Variants in CSRNP3 observed in about 807,000 individuals in gnomAD.
CSRNP3 encodes the protein cysteine/serine-rich nuclear protein 3.
In CSRNP3, 12 loss-of-function variants were observed where a neutral mutation model predicts 48.0. That is an observed-to-expected ratio of 0.25 (90% CI 0.16 to 0.41). CSRNP3 has a LOEUF of 0.41. Among genes scored for constraint, CSRNP3 ranks in the 10% least tolerant of loss-of-function variants. The probability of loss-of-function intolerance (pLI) is 1.00; values close to 1 mark genes in which losing one functional copy is unlikely to be tolerated. For synonymous variants in CSRNP3, 263 were observed against 269.7 expected, an observed-to-expected ratio of 0.98 and a Z score of 0.24; for missense variants, 580 against 724.4, an observed-to-expected ratio of 0.80 and a Z score of 2.29.
intron 3 of CSRNP3, among the ~76,000 whole-genome samples, chr2:165,557,496 C>T (rs1419399474): frequency 6.6e-6 from 1 of 152,030 alleles, no homozygotes; most frequent in African/African-American, 2.4e-5. Context: ...AAAGATTGGC[C>T]TTGAAAAGAA....
chr2:165,533,734 A>G (rs1197273586), intron 3 of CSRNP3, among the ~76,000 whole-genome samples: 4 of 152,088 alleles, frequency 2.6e-5, no homozygotes, highest in African/African-American at 7.2e-5. Flanking sequence ...GGTAGGTTCA[A>G]TATAAACCTT....
intron 5 of CSRNP3, among the ~76,000 whole-genome samples, chr2:165,661,932 C>G (rs1687103687): frequency 6.6e-6 from 1 of 152,080 alleles, no homozygotes. Flanking sequence ...CCAACAGCCC[C>G]AAAACAGGAA....
intron 4 of CSRNP3, among the ~76,000 whole-genome samples, chr2:165,619,549 T>C (rs2105317078): frequency 6.6e-6 from 1 of 152,152 alleles, no homozygotes; most frequent in South Asian, 2.1e-4. Flanking sequence ...CTAGAGAGAA[T>C]ATGTCATTTA....
At chr2:165,658,404 A>G (rs1687043040) in intron 5 of CSRNP3, among the ~76,000 whole-genome samples, 1 of 152,232 alleles carries the variant, frequency 6.6e-6, no homozygotes, top group Admixed American at 6.5e-5. Context: ...AGTGCAATGT[A>G]GAAGAGTTGC....
In CSRNP3 at chr2:165,627,016, GAGA is replaced by G. The variant is rs535477517; in HGVS notation, c.149-30742_149-30740del. On this transcript the variant is annotated intron_variant, in intron 4 of 6. Transcript: ENST00000651982. ...CAGCTTTGTGCTTTTATTTACTTTA[GAGA>G]AGGTTAGTTCTTGATGGCTGCCTTT... is the stretch of plus-strand genomic sequence containing the variant. Among the ~76,000 whole-genome samples, 159 of 152,136 alleles carry G rather than the reference GAGA, an allele frequency of 1.0e-3. 2 individuals carry two copies. Among genetic ancestry groups the G allele is most frequent in the South Asian group, 2.3e-3 (11 of 4,812 alleles).
chr2:165,627,031 T>C (rs114417818), intron 4 of CSRNP3, among the ~76,000 whole-genome samples: 1 of 152,318 alleles, frequency 6.6e-6, no homozygotes, highest in African/African-American at 2.4e-5. Flanking sequence ...GGTTAGTTCT[T>C]GATGGCTGCC....
At chr2:165,666,068 A>AAGAGAG (rs143932638) in intron 5 of CSRNP3, among the ~76,000 whole-genome samples, 1 of 99,566 alleles carries the variant, frequency 1.0e-5, no homozygotes, top group Non-Finnish European at 2.0e-5. Context: ...GGAAGAAAGA[A>AAGAGAG]AGAGAGAGAG....
In CSRNP3 at chr2:165,499,016, C is replaced by T. The variant is rs556683793; in HGVS notation, c.-113+4088C>T. On this transcript the variant is annotated intron_variant, in intron 2 of 6. Coordinates refer to ENST00000651982, the MANE Select transcript of CSRNP3 (RefSeq NM_001172173.2). ...ATTTACAAATAAATCTTAGAGTGTT[C>T]GTATTTTATAAACCTCTTGTTAGAG... 9.5e-4 allele frequency among the ~76,000 whole-genome samples: 144 copies of T among 152,164 alleles called. 2 individuals carry two copies. Among genetic ancestry groups the T allele is most frequent in the African/African-American group, 3.3e-3 (136 of 41,540 alleles).
intron 3 of CSRNP3, among the ~76,000 whole-genome samples, chr2:165,520,975 TACC>T (rs1295873048): frequency 6.6e-6 from 1 of 151,082 alleles, no homozygotes; most frequent in Admixed American, 6.6e-5. Context: ...AGGCATGCAC[TACC>T]ACACTTGGGT....
intron 3 of CSRNP3, among the ~76,000 whole-genome samples, chr2:165,581,964 G>A (rs1393199450): frequency 6.6e-6 from 1 of 152,172 alleles, no homozygotes; most frequent in Admixed American, 6.5e-5. Context: ...TACTGAGCAG[G>A]CACTGGAATA....
At position 165,592,804 on chromosome 2, in the gene CSRNP3, T is replaced by TTTC. The variant is rs1553477717; in HGVS notation, c.-23-2237_-23-2236insCTT. On this transcript the variant is annotated intron_variant, in intron 3 of 6. Transcript: ENST00000651982. ...GTGAGTCAATTAAACCTCTTTTCAT[T>TTTC]TTTTTTTTTTTTTTTGAGACGGAGT... Among the ~76,000 whole-genome samples, 95 of 139,402 alleles carry TTTC rather than the reference T, an allele frequency of 6.8e-4. 1 individual carries two copies. Among genetic ancestry groups the TTTC allele is most frequent in the African/African-American group, 2.6e-3 (92 of 35,618 alleles). The allele number at this position is 139,402 out of a possible 152,430, so 91.5% of individuals were successfully genotyped here.
intron 3 of CSRNP3, 70 bp downstream of exon 3, chr2:165,518,031 A>G (rs1336005395): frequency 6.6e-6 from 1 of 152,268 alleles, no homozygotes; most frequent in East Asian, 1.9e-4. Flanking sequence ...ATCTGTTTCA[A>G]GTTTCTAATG....
At position 165,574,457 on chromosome 2, in the gene CSRNP3, T is replaced by C. The variant is rs553367630; in HGVS notation, c.-23-20586T>C. ...GTATGGTGACATTTCATGATGCGCC[T>C]GATTTTATTTCTATTAAAGACACTG... On this transcript the variant is annotated intron_variant, in intron 3 of 6. Coordinates refer to ENST00000651982, the MANE Select transcript of CSRNP3 (RefSeq NM_001172173.2). 37 of 1,490,342 alleles carry C rather than the reference T, an allele frequency of 2.5e-5. 1 individual carries two copies. In the South Asian group the frequency reaches 4.3e-4, roughly 17 times the overall value. 92.3% of individuals were successfully genotyped at this position (1,490,342 alleles called of 1,614,324 possible).
At chr2:165,625,660 A>G (rs993907179) in intron 4 of CSRNP3, among the ~76,000 whole-genome samples, 1 of 151,230 alleles carries the variant, frequency 6.6e-6, no homozygotes, top group East Asian at 2.0e-4. Flanking sequence ...AAAGAAACGA[A>G]AAATATGAGG....
chr2:165,602,987 C>T (rs996879435), intron 4 of CSRNP3, among the ~76,000 whole-genome samples: 2 of 152,124 alleles, frequency 1.3e-5, no homozygotes, highest in African/African-American at 2.4e-5. Flanking sequence ...CTCTGCCCCA[C>T]GGGGTTCACG....
chr2:165,565,530 A>G (rs1291764875), intron 3 of CSRNP3, among the ~76,000 whole-genome samples: 1 of 152,084 alleles, frequency 6.6e-6, no homozygotes. Context: ...CCTTCCTTCC[A>G]TAAATAAAAA....
At chr2:165,632,296 A>G (rs1034280532) in intron 4 of CSRNP3, among the ~76,000 whole-genome samples, 1 of 152,124 alleles carries the variant, frequency 6.6e-6, no homozygotes. Flanking sequence ...CTGAGGCAGG[A>G]GGATTGCTTG....
chr2:165,639,430 G>A (rs1686689917), intron 4 of CSRNP3, among the ~76,000 whole-genome samples: 1 of 152,168 alleles, frequency 6.6e-6, no homozygotes, highest in Non-Finnish European at 1.5e-5. Flanking sequence ...TAAATAATGA[G>A]AATCAACTGT....
intron 3 of CSRNP3, among the ~76,000 whole-genome samples, chr2:165,533,910 A>T (rs1384514997): frequency 6.6e-6 from 1 of 152,014 alleles, no homozygotes; most frequent in Non-Finnish European, 1.5e-5. Context: ...GAAATATAAG[A>T]CAATAAATGT....
Sources: gnomAD v4.1 joint callset for allele counts (sites outside exome capture counted in the v4.1 genomes callset) on GRCh38, gnomAD v4.1.1 for gene constraint, MANE v1.5 for transcripts, NCBI Gene and HGNC (gene_info 2026-07-23, HGNC 2026-07-21) for gene names.